The following PARD3B variants were observed in gnomAD, a reference collection of about 807,000 sequenced individuals.
PARD3B encodes par-3 family cell polarity regulator beta, also known as partitioning defective 3 homolog B.
A neutral mutation model predicts 130.2 loss-of-function variants in PARD3B; 103 were observed. The ratio of observed to expected loss-of-function variants is 0.79; its 90% confidence interval spans 0.67 to 0.93. The LOEUF (loss-of-function observed/expected upper bound fraction) is 0.93. Among genes scored for constraint, PARD3B ranks in the 40% least tolerant of loss-of-function variants. The pLI, the probability that PARD3B is intolerant of heterozygous loss-of-function variation, is 0.00. For missense variants in PARD3B, 1,609 were observed against 1,499.2 expected, an observed-to-expected ratio of 1.07 and a Z score of -1.21; for synonymous variants, 583 against 553.2, an observed-to-expected ratio of 1.05 and a Z score of -0.76.
intron 4 of PARD3B, among the ~76,000 whole-genome samples, chr2:205,089,653 A>G (rs1200927624): frequency 1.3e-5 from 2 of 152,158 alleles, no homozygotes; most frequent in African/African-American, 4.8e-5. Context: ...TTCTGGTGAG[A>G]TGGCAAATCT....
At chr2:205,335,602 C>A (rs1272568123) in intron 18 of PARD3B, among the ~76,000 whole-genome samples, 1 of 151,758 alleles carries the variant, frequency 6.6e-6, no homozygotes, top group Non-Finnish European at 1.5e-5. Flanking sequence ...TTTATAGAGT[C>A]CATTTTCATG....
At chr2:204,772,079 A>C (rs181118370) in intron 2 of PARD3B, among the ~76,000 whole-genome samples, 1 of 152,202 alleles carries the variant, frequency 6.6e-6, no homozygotes, top group East Asian at 1.9e-4. Flanking sequence ...TCTTCCTAAG[A>C]AGTTCATTTT....
rs1675516419 is a variant in PARD3B, at chr2:205,550,046, A to C, written c.3181-3278A>C. ...TAGTTAGTAGTATTCTTTTCTTCAT[A>C]CCTTGTTTCTACCTTTGCAAAATCT... On this transcript the variant is annotated intron_variant, in intron 21 of 22. Transcript: ENST00000406610. The surrounding 1 kb of genome is among the most constrained non-coding windows in gnomAD (Gnocchi z 4.5). Among the ~76,000 whole-genome samples, 1 of 152,072 alleles carries C rather than the reference A, an allele frequency of 6.6e-6. No individual in the cohort carries two copies. The highest frequency in any genetic ancestry group is 1.5e-5 in the Non-Finnish European group (1 of 68,022).
At position 205,350,778 on chromosome 2, in the gene PARD3B, G is replaced by A. The variant is rs184086083; in HGVS notation, c.2630+49077G>A. The stretch of plus-strand genomic sequence containing the variant: ...CCCAAAATACTTGTTTATATCTTCC[G>A]ATGCTATTTTTAATATTTCTAAGGA... On this transcript the variant is annotated intron_variant, in intron 18 of 22. Transcript: ENST00000406610. 2.0e-3 allele frequency among the ~76,000 whole-genome samples: 304 copies of A among 152,160 alleles called. 1 individual carries two copies. Among genetic ancestry groups the A allele is most frequent in the African/African-American group, 6.9e-3 (285 of 41,518 alleles).
At chr2:204,643,115 C>CA (rs71029202) in intron 1 of PARD3B, among the ~76,000 whole-genome samples, 3,412 of 31,798 alleles carry the variant, frequency 0.11, 443 homozygotes, top group South Asian at 0.17. Flanking sequence ...CTCTGTCTCA[C>CA]AAAAAAAAAA....
At chr2:204,657,772 AGTAT>A (rs2035685626) in intron 1 of PARD3B, among the ~76,000 whole-genome samples, 1 of 152,354 alleles carries the variant, frequency 6.6e-6, no homozygotes, top group South Asian at 2.1e-4. Context: ...AATTTTAAAT[AGTAT>A]GTATGATCAT....
chr2:205,083,615 G>T (rs6716774), intron 4 of PARD3B, among the ~76,000 whole-genome samples: 19,052 of 147,190 alleles, frequency 0.13, 1,720 homozygotes, highest in African/African-American at 0.27. Context: ...TTTTTTTTTA[G>T]TTTTATTTTT....
At chr2:205,228,992 G>C (rs1274092991) in intron 15 of PARD3B, among the ~76,000 whole-genome samples, 3 of 152,134 alleles carry the variant, frequency 2.0e-5, no homozygotes, top group African/African-American at 7.2e-5. Flanking sequence ...TATCTGATAG[G>C]AGTCTGAATG....
At chr2:204,898,450 C>T (rs1012428058) in intron 2 of PARD3B, among the ~76,000 whole-genome samples, 7 of 151,984 alleles carry the variant, frequency 4.6e-5, no homozygotes, top group African/African-American at 1.7e-4. Flanking sequence ...CCCCCATCCA[C>T]CTCTAGTTTT....
chr2:205,283,347 A>C (rs2041264886), intron 16 of PARD3B, among the ~76,000 whole-genome samples: 1 of 152,174 alleles, frequency 6.6e-6, no homozygotes, highest in South Asian at 2.1e-4. Flanking sequence ...GCAGTGGTGC[A>C]AACATGGCTC....
intron 14 of PARD3B, among the ~76,000 whole-genome samples, chr2:205,192,264 G>T (rs2036437877): frequency 1.3e-5 from 2 of 152,136 alleles, no homozygotes; most frequent in South Asian, 4.1e-4. Context: ...GTTGTTTATA[G>T]TATCAAACTC....
chr2:204,591,907 A>G (rs1274194132), intron 1 of PARD3B, among the ~76,000 whole-genome samples: 6 of 152,262 alleles, frequency 3.9e-5, no homozygotes, highest in Non-Finnish European at 7.3e-5. Context: ...ATAATGCAGA[A>G]TTACTGTATG....
chr2:204,741,345 GC>G (rs1332574176), intron 2 of PARD3B, among the ~76,000 whole-genome samples: 2 of 152,162 alleles, frequency 1.3e-5, no homozygotes, highest in Non-Finnish European at 2.9e-5. Context: ...ATCTGATGCT[GC>G]TGAGTTCTTT....
Position 205,589,030 on chromosome 2 carries a change from A to C in PARD3B, c.3261-26426A>C, listed in dbSNP as rs1038192525. On this transcript the variant is annotated intron_variant, in intron 22 of 22. Transcript: ENST00000406610. This position sits in a 1 kb window ranked among gnomAD's most constrained non-coding sequence, Gnocchi z 4.1. ...TGGCTGGGCATGGTGGCTCATGCCC[A>C]TAATCCCAGCACACCAGGAGGCTGA... Among the ~76,000 whole-genome samples the C allele has an allele frequency of 2.0e-5, 3 of 152,346 alleles. No individual in the cohort carries two copies. The highest frequency in any genetic ancestry group is 4.4e-5 in the Non-Finnish European group (3 of 68,030).
intron 2 of PARD3B, among the ~76,000 whole-genome samples, chr2:204,884,259 C>G (rs1482630198): frequency 1.3e-5 from 2 of 152,014 alleles, no homozygotes; most frequent in Non-Finnish European, 2.9e-5. Context: ...GAAATGTTAC[C>G]ATTGAAATAA....
At position 205,500,609 on chromosome 2, in the gene PARD3B, A is replaced by G. The variant is rs2050123139; in HGVS notation, c.3180+578A>G. Among the ~76,000 whole-genome samples, 3 of 152,282 alleles carry G rather than the reference A, an allele frequency of 2.0e-5. No homozygotes were observed. In the East Asian group the frequency reaches 5.8e-4, roughly 29 times the overall value. On this transcript the variant is annotated intron_variant, in intron 21 of 22. Transcript: ENST00000406610. ...GAAGAAAAACTCATTGGGTTTTTTCAGAGTGGCACGATTCACTCTCTTGTT... is the reference window on the plus strand; with the variant it reads ...GAAGAAAAACTCATTGGGTTTTTTCGGAGTGGCACGATTCACTCTCTTGTT...
At chr2:205,436,055 A>G (rs2047503177) in intron 19 of PARD3B, among the ~76,000 whole-genome samples, 2 of 152,218 alleles carry the variant, frequency 1.3e-5, no homozygotes, top group Non-Finnish European at 2.9e-5. Flanking sequence ...CCTGTTGCCC[A>G]TAGATGGTGC....
intron 2 of PARD3B, among the ~76,000 whole-genome samples, chr2:204,712,622 AAAAAC>A (rs1377157506): frequency 1.1e-4 from 16 of 151,018 alleles, no homozygotes; most frequent in Non-Finnish European, 2.2e-4. Context: ...TCAAAAAAAA[AAAAAC>A]AAAAAAAAAA....
chr2:205,294,255 C>T, intron 16 of PARD3B, among the ~76,000 whole-genome samples: 1 of 152,024 alleles, frequency 6.6e-6, no homozygotes, highest in South Asian at 2.1e-4. Context: ...AATCTACCCA[C>T]AGATAAGGTT....
Sources: gnomAD v4.1 joint callset for allele counts (sites outside exome capture counted in the v4.1 genomes callset) on GRCh38, gnomAD v4.1.1 for gene constraint, Gnocchi (gnomAD v3.1) non-coding constraint, MANE v1.5 for transcripts, NCBI Gene and HGNC (gene_info 2026-07-23, HGNC 2026-07-21) for gene names.